Variants in STOX2 observed in about 807,000 individuals in gnomAD.
The protein encoded by STOX2 is storkhead-box protein 2.
Under a neutral mutation model 60.9 loss-of-function variants are expected in STOX2, and 28 were observed. The observed-to-expected ratio is 0.46, with a 90% confidence interval of 0.34 to 0.63. The LOEUF (loss-of-function observed/expected upper bound fraction) is 0.63. Ranked by LOEUF, STOX2 falls within the 30% of genes least tolerant of loss-of-function variation. The pLI is 0.01. For synonymous variants in STOX2, 472 were observed against 463.9 expected (o/e 1.02, Z -0.22); for missense variants, 1,024 against 1,187.7 (o/e 0.86, Z 2.03).
rs1230885583 is a variant in STOX2 at position 184,011,127 on chromosome 4, A to G, written c.2289A>G (p.Ser763=). 2 of 1,580,252 alleles carry G rather than the reference A, an allele frequency of 1.3e-6. No individual in the cohort carries two copies. Among genetic ancestry groups the G allele is most frequent in the Admixed American group, 3.7e-5 (2 of 54,440 alleles). The change falls in exon 3 of 4, where the codon TCA becomes TCG. Residue 763 remains serine, a synonymous_variant. Transcript: ENST00000308497. The surrounding 1 kb of genome is among the most constrained non-coding windows in gnomAD (Gnocchi z 4.4). The part of the protein sequence containing the change: ...AMPASQRQQE[S]GGNQEASFDY... ...CTGCTTCCCAGCGTCAGCAGGAGTCAGGAGGGAACCAGGAAGCCTCTTTTG... is the reference window on the plus strand; with the variant it reads ...CTGCTTCCCAGCGTCAGCAGGAGTCGGGAGGGAACCAGGAAGCCTCTTTTG...
At chr4:183,911,308 A>T (rs374369049) in intron 1 of STOX2, among the ~76,000 whole-genome samples, 34 of 152,286 alleles carry the variant, frequency 2.2e-4, no homozygotes, top group African/African-American at 7.2e-4. Flanking sequence ...TGACCAGAGT[A>T]ATGAGGGGGG....
At chr4:183,977,546 C>CGTGTGTGT (rs56043761) in intron 1 of STOX2, among the ~76,000 whole-genome samples, 9 of 147,794 alleles carry the variant, frequency 6.1e-5, no homozygotes, top group Non-Finnish European at 1.0e-4. Context: ...CATTCCATTT[C>CGTGTGTGT]GTGTGTGTGT....
rs560888692 is a variant in STOX2 at position 183,963,927 on chromosome 4, C to T, written c.167-37398C>T. Reference sequence around the variant, plus strand: ...AGTAGCTGGGACTACAGGCGCCCACCACCACGCCCGGCTTATTTTTTGTAT... The same window carrying T: ...AGTAGCTGGGACTACAGGCGCCCACTACCACGCCCGGCTTATTTTTTGTAT... On this transcript the variant is annotated intron_variant, in intron 1 of 3. Transcript: ENST00000308497. Among the ~76,000 whole-genome samples the T allele has an allele frequency of 6.6e-5, 10 of 152,080 alleles. No homozygotes were observed. The East Asian group carries it at 1.2e-3, about 18-fold the overall frequency.
intron 1 of STOX2, among the ~76,000 whole-genome samples, chr4:183,983,499 C>T (rs116343608): frequency 0.031 from 4,686 of 152,266 alleles, 194 homozygotes; most frequent in African/African-American, 0.089. Flanking sequence ...GTTTTCTCCC[C>T]GACTGGTGCA....
chr4:183,927,975 G>T (rs1411576142), intron 1 of STOX2, among the ~76,000 whole-genome samples: 3 of 152,180 alleles, frequency 2.0e-5, no homozygotes, highest in African/African-American at 7.2e-5. Flanking sequence ...GGATGGTCTT[G>T]CAGAGGCTGT....
chr4:183,903,278 C>A (rs1741502700), upstream of STOX2, among the ~76,000 whole-genome samples: 1 of 152,164 alleles, frequency 6.6e-6, no homozygotes, highest in African/African-American at 2.4e-5. Context: ...GCCACAGTGG[C>A]CTTTTTCCAC....
chr4:183,986,487 C>T (rs1022558889), intron 1 of STOX2, among the ~76,000 whole-genome samples: 1 of 152,196 alleles, frequency 6.6e-6, no homozygotes, highest in African/African-American at 2.4e-5. Flanking sequence ...ATGTGAAAAG[C>T]GTTAGGTGGT....
Position 183,865,815 on chromosome 4 carries a change from G to A in STOX2, c.364+67760G>A, listed in dbSNP as rs889661928. ...AGGTTGCATGGAGAAGTCTTGTGGA[G>A]ACAAAGACAGAATTTGATTTGGGGG... On this transcript the variant is annotated intron_variant, in intron 1 of 2. Transcript: ENST00000513034. This position sits in a 1 kb window ranked among gnomAD's most constrained non-coding sequence, Gnocchi z 4.1. 6.6e-6 allele frequency among the ~76,000 whole-genome samples: 1 copy of A among 152,210 alleles called. No individual in the cohort carries two copies. The highest frequency in any genetic ancestry group is 2.4e-5 in the African/African-American group (1 of 41,454).
At position 183,896,597 on chromosome 4, in the gene STOX2, C is replaced by A. The variant is rs7654296; in HGVS notation, c.364+98542C>A. On this transcript the variant is annotated intron_variant, in intron 1 of 2. Transcript: ENST00000513034. ...GCTCAAGTGATCCTCCCACCTTGGC[C>A]TCCTAAAGTGCTGGGATTACAGGCA... 2.0e-3 allele frequency among the ~76,000 whole-genome samples: 302 copies of A among 152,320 alleles called. 1 individual carries two copies. Among genetic ancestry groups the A allele is most frequent in the African/African-American group, 7.1e-3 (295 of 41,560 alleles).
rs1734088971 is a variant in STOX2, at chr4:184,010,340, T to C, written c.1502T>C (p.Leu501Pro). 6.2e-7 allele frequency: 1 copy of C among 1,609,906 alleles called. No homozygotes were observed. The highest frequency in any genetic ancestry group is 1.7e-5 in the Admixed American group (1 of 59,420). Reference sequence around the variant, plus strand: ...TCGATGGATAACTCCAAAGGCCCTCTGGGTGCTTCTTCTCTAGGGACGCCG... The same window carrying C: ...TCGATGGATAACTCCAAAGGCCCTCCGGGTGCTTCTTCTCTAGGGACGCCG... ...SRSMDNSKGP[L>P]GASSLGTPED... is the part of the protein sequence containing the mutation. The change falls in exon 3 of 4, where the codon CTG becomes CCG. Residue 501 changes from leucine (L) to proline (P), a missense_variant. Transcript: ENST00000308497. The surrounding 1 kb of genome is among the most constrained non-coding windows in gnomAD (Gnocchi z 4.5).
chr4:183,954,363 G>T (rs12499145), intron 1 of STOX2, among the ~76,000 whole-genome samples: 1 of 151,326 alleles, frequency 6.6e-6, no homozygotes, highest in African/African-American at 2.4e-5. Context: ...ATCTTGGCTC[G>T]CTGCAACCTC....
At chr4:183,976,832 A>G (rs1732468841) in intron 1 of STOX2, among the ~76,000 whole-genome samples, 1 of 152,222 alleles carries the variant, frequency 6.6e-6, no homozygotes. Flanking sequence ...TGAACATGAT[A>G]CTGGAGTTTC....
At chr4:183,945,855 G>A (rs551506361) in intron 1 of STOX2, among the ~76,000 whole-genome samples, 2 of 152,276 alleles carry the variant, frequency 1.3e-5, no homozygotes, top group East Asian at 3.9e-4. Flanking sequence ...CTTGCGAAGG[G>A]CTGTAGCCAT....
chr4:183,963,380 A>G (rs889895038), intron 1 of STOX2, among the ~76,000 whole-genome samples: 2 of 152,112 alleles, frequency 1.3e-5, no homozygotes, highest in Admixed American at 1.3e-4. Flanking sequence ...AGGAAACAAC[A>G]TGTTGAATGT....
chr4:183,803,722 G>C (rs545729574), intron 1 of STOX2, among the ~76,000 whole-genome samples: 4 of 152,294 alleles, frequency 2.6e-5, no homozygotes, highest in Non-Finnish European at 4.4e-5. Flanking sequence ...CAGCACTTTG[G>C]GAGGCTGAGG....
intron 1 of STOX2, among the ~76,000 whole-genome samples, chr4:183,890,120 C>T (rs112837189): frequency 1.8e-4 from 27 of 152,150 alleles, no homozygotes; most frequent in African/African-American, 6.0e-4. Flanking sequence ...AAGCTAGCAA[C>T]TCAGACCCGA....
At chr4:183,841,220 T>C (rs1429849715) in intron 1 of STOX2, among the ~76,000 whole-genome samples, 1 of 150,658 alleles carries the variant, frequency 6.6e-6, no homozygotes, top group Non-Finnish European at 1.5e-5. Flanking sequence ...TTTATTTATT[T>C]ATAGACAGGT....
At chr4:183,816,311 T>C (rs1358065077) in intron 1 of STOX2, among the ~76,000 whole-genome samples, 1 of 152,256 alleles carries the variant, frequency 6.6e-6, no homozygotes, top group African/African-American at 2.4e-5. Flanking sequence ...TGGAATACTA[T>C]GCAGCCATAA....
chr4:183,799,665 TAC>T (rs1738716294), intron 1 of STOX2, among the ~76,000 whole-genome samples: 1 of 22,310 alleles, frequency 4.5e-5, no homozygotes, highest in Non-Finnish European at 3.6e-4. Context: ...CCCCTACCCG[TAC>T]TTTTTTGAAA....
Sources: gnomAD v4.1 joint callset for allele counts (sites outside exome capture counted in the v4.1 genomes callset) on GRCh38, gnomAD v4.1.1 for gene constraint, Gnocchi (gnomAD v3.1) non-coding constraint, MANE v1.5 for transcripts, NCBI Gene and HGNC (gene_info 2026-07-23, HGNC 2026-07-21) for gene names.